Variants in NR5A2 observed in about 807,000 individuals in gnomAD.
The protein encoded by NR5A2 is nuclear receptor subfamily 5 group A member 2.
In NR5A2, 26 loss-of-function variants were observed where a neutral mutation model predicts 62.7. The ratio of observed to expected loss-of-function variants is 0.41; its 90% CI spans 0.30 to 0.58. The LOEUF (loss-of-function observed/expected upper bound fraction) is 0.58. Among genes scored for constraint, NR5A2 ranks in the 20% least tolerant of loss-of-function variants. The pLI is 0.22. For missense variants in NR5A2, 541 were observed against 669.1 expected (o/e 0.81, Z 2.11); for synonymous variants, 246 against 241.7 (o/e 1.02, Z -0.16).
At chr1:200,151,908 A>G (rs1653146346) in intron 7 of NR5A2, among the ~76,000 whole-genome samples, 1 of 152,270 alleles carries the variant, frequency 6.6e-6, no homozygotes, top group Admixed American at 6.5e-5. Context: ...GAGGACCCTA[A>G]GAACTGTGTG....
intron 5 of NR5A2, among the ~76,000 whole-genome samples, chr1:200,058,936 C>T (rs896357924): frequency 1.3e-5 from 2 of 151,104 alleles, no homozygotes; most frequent in African/African-American, 4.9e-5. Context: ...ATGGTGAAAC[C>T]CCTTCTCTAC....
At chr1:200,118,019 C>CTTTT (rs397982581) in intron 6 of NR5A2, among the ~76,000 whole-genome samples, 1,620 of 117,302 alleles carry the variant, frequency 0.014, 67 homozygotes, top group African/African-American at 0.05. Context: ...TCGCCTTTTT[C>CTTTT]TTTTTTTTTT....
At chr1:200,033,526 G>A (rs1050865716) in intron 1 of NR5A2, among the ~76,000 whole-genome samples, 3 of 152,218 alleles carry the variant, frequency 2.0e-5, no homozygotes, top group Admixed American at 6.5e-5. Flanking sequence ...TTGGATGCCT[G>A]CAGCCTCTGC....
chr1:200,144,973 G>T (rs758233733), intron 7 of NR5A2, among the ~76,000 whole-genome samples: 1 of 152,084 alleles, frequency 6.6e-6, no homozygotes, highest in Non-Finnish European at 1.5e-5. Flanking sequence ...TTTAAACCTC[G>T]TTGCTCATCA....
At chr1:200,099,049 C>T (rs1218129124) in intron 5 of NR5A2, among the ~76,000 whole-genome samples, 1 of 152,222 alleles carries the variant, frequency 6.6e-6, no homozygotes, top group Non-Finnish European at 1.5e-5. Flanking sequence ...CATAGACTGA[C>T]TGTACACTTA....
chr1:200,130,145 C>T (rs1195467044), intron 7 of NR5A2, among the ~76,000 whole-genome samples: 2 of 152,166 alleles, frequency 1.3e-5, no homozygotes, highest in East Asian at 3.9e-4. Context: ...AAAGAGAGCA[C>T]AAATCTATTA....
At chr1:200,152,517 A>G (rs1191209615) in intron 7 of NR5A2, among the ~76,000 whole-genome samples, 1 of 152,220 alleles carries the variant, frequency 6.6e-6, no homozygotes, top group Non-Finnish European at 1.5e-5. Context: ...TTGAAATATT[A>G]CAGTAACAAA....
chr1:200,103,668 C>T (rs748012491), intron 5 of NR5A2, among the ~76,000 whole-genome samples: 2 of 152,168 alleles, frequency 1.3e-5, no homozygotes, highest in Non-Finnish European at 2.9e-5. Flanking sequence ...ATCAACAAAG[C>T]GGGTTGCTCG....
chr1:200,084,101 G>A lies in NR5A2; in HGVS notation c.1111-27101G>A, dbSNP rs563447596. Among the ~76,000 whole-genome samples the A allele has an allele frequency of 3.3e-5, 5 of 151,832 alleles. No homozygotes were observed. In the East Asian group the frequency reaches 7.7e-4, roughly 23 times the overall value. Reference sequence around the variant, plus strand: ...TTATCAAGTATTAGTCGTATGCCAGGTAACATTATAGGACTTAGAGATTCA... The same window carrying A: ...TTATCAAGTATTAGTCGTATGCCAGATAACATTATAGGACTTAGAGATTCA... On this transcript the variant is annotated intron_variant, in intron 5 of 7. Transcript: ENST00000367362.
At chr1:200,070,546 T>G (rs969794267) in intron 5 of NR5A2, among the ~76,000 whole-genome samples, 1 of 151,892 alleles carries the variant, frequency 6.6e-6, no homozygotes, top group African/African-American at 2.4e-5. Flanking sequence ...CAGGTATAGT[T>G]GCATGCATCT....
intron 5 of NR5A2, among the ~76,000 whole-genome samples, chr1:200,055,898 G>A (rs1336515283): frequency 2.6e-5 from 4 of 152,148 alleles, no homozygotes; most frequent in Non-Finnish European, 5.9e-5. Context: ...AGGTTTACAA[G>A]GAAATGATAA....
intron 5 of NR5A2, among the ~76,000 whole-genome samples, chr1:200,101,291 T>C (rs2102273723): frequency 6.6e-6 from 1 of 152,262 alleles, no homozygotes; most frequent in South Asian, 2.1e-4. Flanking sequence ...AGCACTAATA[T>C]ATGTTGTTCG....
chr1:200,093,682 C>A (rs1664924870), intron 5 of NR5A2, among the ~76,000 whole-genome samples: 1 of 152,182 alleles, frequency 6.6e-6, no homozygotes, highest in Admixed American at 6.5e-5. Flanking sequence ...AAGCACAATG[C>A]TGTGCACATG....
At chr1:200,122,813 T>C (rs1666535932) in intron 7 of NR5A2, among the ~76,000 whole-genome samples, 2 of 152,146 alleles carry the variant, frequency 1.3e-5, no homozygotes, top group African/African-American at 2.4e-5. Context: ...CAGAGGCAAA[T>C]AGAATTCTGG....
chr1:200,141,550 C>G (rs1000467529), intron 7 of NR5A2, among the ~76,000 whole-genome samples: 6 of 152,220 alleles, frequency 3.9e-5, no homozygotes. Context: ...TTTTGGGGTA[C>G]TACAAATAAG....
Position 200,174,319 on chromosome 1 carries a change from C to A in NR5A2, c.*109C>A. ...GTACTCTGAACTGCTCCAAGTAACG[C>A]TAATTAAAAACTTGCTTTAAAGATA... On this transcript the variant is annotated 3_prime_UTR_variant, in exon 8 of 8. Coordinates refer to ENST00000367362, the MANE Select transcript of NR5A2 (RefSeq NM_205860.3). 1.8e-6 allele frequency: 2 copies of A among 1,128,368 alleles called. No homozygotes were observed. Among genetic ancestry groups the A allele is most frequent in the Non-Finnish European group, 2.3e-6 (2 of 856,796 alleles). 69.9% of individuals were successfully genotyped at this position (1,128,368 alleles called of 1,614,324 possible).
chr1:200,055,333 T>C (rs975340276), intron 5 of NR5A2, among the ~76,000 whole-genome samples: 2 of 152,088 alleles, frequency 1.3e-5, no homozygotes, highest in African/African-American at 2.4e-5. Context: ...GTAGCTGGGA[T>C]TATAGCGCCT....
At chr1:200,126,399 A>G (rs1666701201) in intron 7 of NR5A2, among the ~76,000 whole-genome samples, 1 of 152,160 alleles carries the variant, frequency 6.6e-6, no homozygotes, top group Non-Finnish European at 1.5e-5. Flanking sequence ...AATAAACTGT[A>G]AGGTTCATGA....
rs1663893841 is a variant in NR5A2 at position 200,074,222 on chromosome 1, TG to T, written c.1110+25405del. Among the ~76,000 whole-genome samples, 10 of 152,264 alleles carry T rather than the reference TG, an allele frequency of 6.6e-5. 2 individuals are homozygous for T. The highest frequency in any genetic ancestry group is 1.9e-4 in the East Asian group (1 of 5,176). On this transcript the variant is annotated intron_variant, in intron 5 of 7. Transcript: ENST00000367362. ...TAATTTTTGATTGCCTGTTTATTAA[TG>T]TTTTTTTCTTTTTGATAATGAATTA...
Sources: gnomAD v4.1 joint callset for allele counts (sites outside exome capture counted in the v4.1 genomes callset) on GRCh38, gnomAD v4.1.1 for gene constraint, MANE v1.5 for transcripts, NCBI Gene and HGNC (gene_info 2026-07-23, HGNC 2026-07-21) for gene names.